The following CNTLN variants were observed in gnomAD, a reference collection of about 807,000 sequenced individuals.
CNTLN encodes centlein.
CNTLN carries 212 observed loss-of-function variants against 180.0 expected under a neutral mutation model. The ratio of observed to expected loss-of-function variants is 1.18; its 90% confidence interval spans 1.05 to 1.32. The LOEUF is 1.32. Among genes scored for constraint, CNTLN ranks in the 40% most tolerant of loss-of-function variants. The pLI, the probability that CNTLN is intolerant of heterozygous loss-of-function variation, is 0.00. For missense variants in CNTLN, 2,095 were observed against 1,610.9 expected (o/e 1.30, Z -5.14); for synonymous variants, 722 against 563.1 (o/e 1.28, Z -3.99).
intron 6 of CNTLN, among the ~76,000 whole-genome samples, chr9:17,275,031 C>T (rs1828221020): frequency 6.6e-6 from 1 of 151,976 alleles, no homozygotes; most frequent in South Asian, 2.1e-4. Context: ...GACTGGTTAA[C>T]ATATCAACTC....
At position 17,272,489 on chromosome 9, in the gene CNTLN, C is replaced by T. The variant is rs541238156; in HGVS notation, c.850-1244C>T. Among the ~76,000 whole-genome samples, 22 of 152,186 alleles carry T rather than the reference C, an allele frequency of 1.4e-4. 1 individual carries two copies. The highest frequency in any genetic ancestry group is 4.6e-4 in the African/African-American group (19 of 41,532). On this transcript the variant is annotated intron_variant, in intron 5 of 25. Transcript: ENST00000380647. ...CATCCTCTATTTCTACCCTGGTGTT[C>T]GTTTATCGCTTTTAAGCTATTTTGA... is the stretch of plus-strand genomic sequence containing the variant.
chr9:17,504,027 A>G (rs541885765), downstream of CNTLN: 1 of 152,584 alleles, frequency 6.6e-6, no homozygotes, highest in Non-Finnish European at 1.5e-5. Flanking sequence ...CCTGCTTGGA[A>G]TGCTACAGAT....
At chr9:17,347,199 A>G (rs1821970026) in intron 12 of CNTLN, among the ~76,000 whole-genome samples, 1 of 152,164 alleles carries the variant, frequency 6.6e-6, no homozygotes, top group Admixed American at 6.6e-5. Flanking sequence ...GACATGTGTT[A>G]TATCATGGTG....
At position 17,295,991 on chromosome 9, in the gene CNTLN, AGAGAGAGTGTGTGTGTGTGTGT is replaced by A. The variant is rs1216013164; in HGVS notation, c.984-2197_984-2176del. Among the ~76,000 whole-genome samples, 24 of 76,670 alleles carry A rather than the reference AGAGAGAGTGTGTGTGTGTGTGT, an allele frequency of 3.1e-4. No homozygotes were observed. The South Asian group carries it at 9.5e-3, about 30-fold the overall frequency. 50.3% of individuals were successfully genotyped at this position (76,670 alleles called of 152,430 possible). A position where few individuals can be genotyped will look rare whatever the true frequency, so the allele number is the denominator to read the frequency against. ...CAGTGAGAGAGAGAGAGAGAGAGAG[AGAGAGAGTGTGTGTGTGTGTGT>A]GTGTGTGTGTGTGTGTGTGTGTGTG... On this transcript the variant is annotated intron_variant, in intron 6 of 25. Coordinates refer to ENST00000380647, the MANE Select transcript of CNTLN (RefSeq NM_017738.4).
At chr9:17,140,674 T>G in intron 1 of CNTLN, among the ~76,000 whole-genome samples, 1 of 152,172 alleles carries the variant, frequency 6.6e-6, no homozygotes, top group East Asian at 1.9e-4. Flanking sequence ...ACTCCTGGGC[T>G]CAGATGATCC....
intron 18 of CNTLN, among the ~76,000 whole-genome samples, chr9:17,426,343 G>C (rs1228015608): frequency 6.6e-6 from 1 of 152,130 alleles, no homozygotes; most frequent in Non-Finnish European, 1.5e-5. Context: ...TGGTTTTAAA[G>C]AGAAAGAAAG....
chr9:17,487,015 T>A lies in CNTLN; in HGVS notation c.4068T>A (p.Ala1356=), dbSNP rs369676524. 61 of 1,579,910 alleles carry A rather than the reference T, an allele frequency of 3.9e-5. No individual in the cohort carries two copies. Among genetic ancestry groups the A allele is most frequent in the East Asian group, 3.1e-4 (14 of 44,498 alleles). ...AAATTGAAAAAACAAAAATTGATGCTGAAAATGACAAGGAATGGATGTTGT... is the reference window on the plus strand; with the variant it reads ...AAATTGAAAAAACAAAAATTGATGCAGAAAATGACAAGGAATGGATGTTGT... ...QVEIEKTKID[A]ENDKEWMLYI... Residue 1356 remains alanine, a synonymous_variant, in exon 25 of 26, where the codon GCT becomes GCA. Transcript: ENST00000380647.
At chr9:17,273,561 A>G (rs1477073070) in intron 5 of CNTLN, among the ~76,000 whole-genome samples, 172 bp from the exon 6 acceptor site, 1 of 152,150 alleles carries the variant, frequency 6.6e-6, no homozygotes, top group African/African-American at 2.4e-5. Flanking sequence ...TTTGAAAGAA[A>G]AAATCTGTGA....
chr9:17,135,699 A>G (rs1817666318), intron 1 of CNTLN, among the ~76,000 whole-genome samples: 1 of 151,866 alleles, frequency 6.6e-6, no homozygotes, highest in Admixed American at 6.6e-5. Flanking sequence ...TCGCAGTCGC[A>G]TCCTCTCCGC....
At chr9:17,447,868 G>A (rs192421300) in intron 18 of CNTLN, 229 of 152,894 alleles carry the variant, frequency 1.5e-3, no homozygotes, top group Non-Finnish European at 2.4e-3. Context: ...TCCAATTGTT[G>A]GTGTGGCTGG....
chr9:17,329,830 A>C (rs147147667), intron 8 of CNTLN, among the ~76,000 whole-genome samples: 50 of 151,606 alleles, frequency 3.3e-4, no homozygotes, highest in African/African-American at 1.1e-3. Flanking sequence ...CTTATTGATA[A>C]TGTTAGAATC....
At chr9:17,435,208 T>C (rs1184565220) in intron 18 of CNTLN, among the ~76,000 whole-genome samples, 2 of 152,186 alleles carry the variant, frequency 1.3e-5, no homozygotes, top group African/African-American at 4.8e-5. Context: ...CTACTAGGAA[T>C]ATTCAGTGGT....
intron 25 of CNTLN, among the ~76,000 whole-genome samples, chr9:17,501,048 C>T (rs1204106772): frequency 1.3e-5 from 2 of 152,324 alleles, no homozygotes; most frequent in African/African-American, 2.4e-5. Flanking sequence ...CACTTCTTCA[C>T]ATTCCTGAAA....
chr9:17,138,243 G>C (rs1197548450), intron 1 of CNTLN, among the ~76,000 whole-genome samples: 1 of 152,096 alleles, frequency 6.6e-6, no homozygotes, highest in East Asian at 1.9e-4. Flanking sequence ...TATAGAGTGA[G>C]ATGAGAAAAA....
intron 5 of CNTLN, among the ~76,000 whole-genome samples, chr9:17,270,968 T>G (rs1827897544): frequency 6.8e-6 from 1 of 147,620 alleles, no homozygotes; most frequent in African/African-American, 2.5e-5. Flanking sequence ...TTTTTTTTTT[T>G]GAGACAGAGT....
intron 5 of CNTLN, among the ~76,000 whole-genome samples, chr9:17,240,603 T>G (rs1825423612): frequency 6.6e-6 from 1 of 152,202 alleles, no homozygotes; most frequent in African/African-American, 2.4e-5. Context: ...AATCAGATAA[T>G]TAGATTTTTT....
intron 2 of CNTLN, among the ~76,000 whole-genome samples, chr9:17,144,955 C>T (rs1284187836): frequency 3.3e-5 from 5 of 151,190 alleles, no homozygotes; most frequent in Non-Finnish European, 7.4e-5. Context: ...CATTCTCCTG[C>T]CTCAGCCTCC....
chr9:17,211,780 A>T (rs1823333889), intron 2 of CNTLN, among the ~76,000 whole-genome samples: 1 of 152,058 alleles, frequency 6.6e-6, no homozygotes, highest in Non-Finnish European at 1.5e-5. Context: ...CATCCCTTGT[A>T]AGTTGGATTC....
In CNTLN at chr9:17,246,052, C is replaced by G. The variant is rs75342976; in HGVS notation, c.849+9464C>G. Among the ~76,000 whole-genome samples, 2,700 of 152,096 alleles carry G rather than the reference C, an allele frequency of 0.018. 168 individuals carry two copies. In the East Asian group the frequency reaches 0.24, roughly 13 times the overall value. On this transcript the variant is annotated intron_variant, in intron 5 of 25. Transcript: ENST00000380647. ...TTTGCCCTTGGTTATTCATTTAATTCATTTGGTGAGGTCATGTTTTCTTGA... is the reference window on the plus strand; with the variant it reads ...TTTGCCCTTGGTTATTCATTTAATTGATTTGGTGAGGTCATGTTTTCTTGA...
Sources: allele counts gnomAD v4.1 joint callset (sites outside exome capture counted in the v4.1 genomes callset), GRCh38; gene constraint gnomAD v4.1.1; transcripts MANE v1.5; gene names NCBI Gene and HGNC (gene_info 2026-07-23, HGNC 2026-07-21).